NCKAP5: variants seen among roughly 807,000 people sequenced by gnomAD.
NCKAP5 encodes nck-associated protein 5.
Under a neutral mutation model 167.0 loss-of-function variants are expected in NCKAP5, and 92 were observed. The observed-to-expected ratio is 0.55, with a 90% CI of 0.47 to 0.66. The LOEUF (loss-of-function observed/expected upper bound fraction) is 0.66. NCKAP5 is among the 30% of genes least tolerant of loss of function. NCKAP5 has a pLI of 0.00. For synonymous variants in NCKAP5, 891 were observed against 877.4 expected, an observed-to-expected ratio of 1.02 and a Z score of -0.27; for missense variants, 2,378 against 2,315.0, an observed-to-expected ratio of 1.03 and a Z score of -0.56.
intron 4 of NCKAP5, among the ~76,000 whole-genome samples, chr2:133,268,113 TAA>T (rs778019636): frequency 5.9e-5 from 9 of 152,256 alleles, no homozygotes; most frequent in Non-Finnish European, 8.8e-5. Flanking sequence ...CAGATAGGTA[TAA>T]GAGCTAAGCA....
intron 7 of NCKAP5, among the ~76,000 whole-genome samples, chr2:132,966,775 C>T (rs2076682204): frequency 6.6e-6 from 1 of 152,188 alleles, no homozygotes; most frequent in Non-Finnish European, 1.5e-5. Context: ...ATCCGACACA[C>T]ATGTATTTTA....
At chr2:133,460,945 T>C (rs1692162780) in intron 3 of NCKAP5, among the ~76,000 whole-genome samples, 1 of 152,182 alleles carries the variant, frequency 6.6e-6, no homozygotes, top group Admixed American at 6.5e-5. Flanking sequence ...CAGGCTATCT[T>C]TTGATATAAT....
intron 6 of NCKAP5, among the ~76,000 whole-genome samples, chr2:133,086,036 T>C (rs1298637386): frequency 6.6e-6 from 1 of 152,194 alleles, no homozygotes; most frequent in African/African-American, 2.4e-5. Flanking sequence ...CAGTAGTTTC[T>C]AGTTAAAGAA....
chr2:132,750,081 G>A (rs1679990235), intron 16 of NCKAP5, among the ~76,000 whole-genome samples: 2 of 152,200 alleles, frequency 1.3e-5, no homozygotes, highest in Admixed American at 6.5e-5. Context: ...ACGTATGGTT[G>A]TTTCAGGATC....
chr2:132,679,946 A>T (rs1684988175), intron 19 of NCKAP5, among the ~76,000 whole-genome samples: 1 of 152,144 alleles, frequency 6.6e-6, no homozygotes, highest in African/African-American at 2.4e-5. Flanking sequence ...GATGCAACTC[A>T]AGTCATTTCT....
chr2:133,527,745 A>G (rs2104809699), intron 2 of NCKAP5, among the ~76,000 whole-genome samples: 1 of 152,180 alleles, frequency 6.6e-6, no homozygotes, highest in Admixed American at 6.5e-5. Flanking sequence ...ATTTGTTGAG[A>G]GGGCAGCGGG....
At chr2:133,271,850 A>T (rs1359074562) in intron 4 of NCKAP5, among the ~76,000 whole-genome samples, 1 of 152,218 alleles carries the variant, frequency 6.6e-6, no homozygotes, top group Non-Finnish European at 1.5e-5. Context: ...CCTTATTTTT[A>T]AAAGACACAT....
rs1683837044 is a variant in NCKAP5, at chr2:132,672,225, T to C, written c.*1064A>G. On this transcript the variant is annotated 3_prime_UTR_variant, in exon 20 of 20. Coordinates refer to ENST00000409261, the MANE Select transcript of NCKAP5 (RefSeq NM_207363.3). ...CATTTTTAGAGTGCCCAGATTTTAATAAAAAGAGCAAGAAGATAAAAATCA... is the reference window on the plus strand; with the variant it reads ...CATTTTTAGAGTGCCCAGATTTTAACAAAAAGAGCAAGAAGATAAAAATCA... 1 of 152,474 alleles carries C rather than the reference T, an allele frequency of 6.6e-6. No individual in the cohort carries two copies. Among genetic ancestry groups the C allele is most frequent in the Admixed American group, 6.5e-5 (1 of 15,268 alleles). 9.4% of individuals were successfully genotyped at this position (152,474 alleles called of 1,614,324 possible). A position where few individuals can be genotyped will look rare whatever the true frequency, so the allele number is the denominator to read the frequency against.
chr2:133,544,222 C>T (rs1473534056), intron 2 of NCKAP5, among the ~76,000 whole-genome samples: 1 of 152,098 alleles, frequency 6.6e-6, no homozygotes, highest in African/African-American at 2.4e-5. Flanking sequence ...AAATAAATCT[C>T]TTTTTCATTA....
intron 4 of NCKAP5, among the ~76,000 whole-genome samples, chr2:133,234,970 A>G (rs1459100128): frequency 7.5e-5 from 11 of 146,746 alleles, no homozygotes; most frequent in Non-Finnish European, 1.5e-4. Flanking sequence ...GCCAGTTAAC[A>G]ACCAGGGTCA....
At chr2:133,609,892 T>C in the NCKAP5 span, among the ~76,000 whole-genome samples, 1 of 152,056 alleles carries the variant, frequency 6.6e-6, no homozygotes, top group Non-Finnish European at 1.5e-5. Context: ...AGTAAGGCAA[T>C]TAGTAGAAAA....
intron 4 of NCKAP5, among the ~76,000 whole-genome samples, chr2:133,233,988 G>A (rs1157949593): frequency 1.3e-5 from 2 of 152,170 alleles, no homozygotes; most frequent in Non-Finnish European, 2.9e-5. Flanking sequence ...GAACCCATCA[G>A]GACTATCGAA....
intron 19 of NCKAP5, among the ~76,000 whole-genome samples, chr2:132,724,472 G>C (rs1219932420): frequency 2.6e-5 from 4 of 152,094 alleles, no homozygotes; most frequent in Non-Finnish European, 5.9e-5. Context: ...CTGAGGGTTG[G>C]TGAGGTGAGG....
chr2:133,543,275 T>G (rs565869582), intron 2 of NCKAP5, among the ~76,000 whole-genome samples: 1 of 152,162 alleles, frequency 6.6e-6, no homozygotes, highest in Non-Finnish European at 1.5e-5. Flanking sequence ...CCACCATGAT[T>G]GTAAGCTCCT....
intron 5 of NCKAP5, among the ~76,000 whole-genome samples, chr2:133,211,339 T>C (rs1452843234): frequency 6.6e-6 from 1 of 152,138 alleles, no homozygotes; most frequent in Non-Finnish European, 1.5e-5. Flanking sequence ...TAAATGATCC[T>C]CTTGCCTCAG....
intron 11 of NCKAP5, among the ~76,000 whole-genome samples, chr2:132,800,662 T>C (rs1456097432): frequency 6.6e-6 from 1 of 152,172 alleles, no homozygotes; most frequent in Non-Finnish European, 1.5e-5. Context: ...TTCCTCCTCC[T>C]GCCCCTAGAT....
At chr2:133,154,900 A>T (rs561890478) in intron 5 of NCKAP5, among the ~76,000 whole-genome samples, 1 of 152,328 alleles carries the variant, frequency 6.6e-6, no homozygotes, top group East Asian at 1.9e-4. Flanking sequence ...TTAGAAGAAA[A>T]ATCACAGATG....
intron 8 of NCKAP5, among the ~76,000 whole-genome samples, chr2:132,895,889 C>T (rs1053837757): frequency 6.6e-6 from 1 of 150,778 alleles, no homozygotes. Flanking sequence ...AATCCCAGCA[C>T]TTTGTAAGGC....
intron 16 of NCKAP5, among the ~76,000 whole-genome samples, chr2:132,765,526 G>C (rs796201566): frequency 6.6e-6 from 1 of 151,818 alleles, no homozygotes; most frequent in African/African-American, 2.4e-5. Flanking sequence ...TGTTGGCCAG[G>C]ATGGTCTCCA....
Sources: gnomAD v4.1 joint callset for allele counts (sites outside exome capture counted in the v4.1 genomes callset) on GRCh38, gnomAD v4.1.1 for gene constraint, MANE v1.5 for transcripts, NCBI Gene and HGNC (gene_info 2026-07-23, HGNC 2026-07-21) for gene names.